DGKB: variants seen among roughly 807,000 people sequenced by gnomAD.
DGKB encodes diacylglycerol kinase beta.
A neutral mutation model predicts 114.3 loss-of-function variants in DGKB; 67 were observed. The ratio of observed to expected loss-of-function variants is 0.59; its 90% CI spans 0.48 to 0.72. The LOEUF is 0.72. DGKB is among the 30% of genes least tolerant of loss of function. The pLI is 0.00. For synonymous variants in DGKB, 398 were observed against 323.1 expected, an observed-to-expected ratio of 1.23 and a Z score of -2.49; for missense variants, 907 against 975.2, an observed-to-expected ratio of 0.93 and a Z score of 0.93.
intron 25 of DGKB, among the ~76,000 whole-genome samples, chr7:14,158,551 G>A (rs954311861): frequency 2.0e-5 from 3 of 152,248 alleles, no homozygotes; most frequent in Admixed American, 6.5e-5. Context: ...GCTATTTGGA[G>A]CATCATAGCA....
chr7:14,727,687 A>T (rs533050912), intron 5 of DGKB, among the ~76,000 whole-genome samples: 6 of 152,144 alleles, frequency 3.9e-5, no homozygotes, highest in Non-Finnish European at 7.4e-5. Flanking sequence ...ATAGTCACAC[A>T]AGCTATGTAG....
intron 4 of DGKB, among the ~76,000 whole-genome samples, chr7:14,747,199 T>C (rs1833420498): frequency 6.7e-6 from 1 of 150,366 alleles, no homozygotes; most frequent in Admixed American, 6.6e-5. Context: ...TTTTTTTTTT[T>C]TTTTTTTTCC....
chr7:14,674,856 A>G (rs1269326966), intron 12 of DGKB, among the ~76,000 whole-genome samples: 1 of 152,110 alleles, frequency 6.6e-6, no homozygotes, highest in Admixed American at 6.6e-5. Flanking sequence ...AGGGAGGATG[A>G]CCTGCTGACA....
chr7:14,764,088 CTT>C (rs1197496623), intron 2 of DGKB, among the ~76,000 whole-genome samples: 1 of 151,864 alleles, frequency 6.6e-6, no homozygotes, highest in African/African-American at 2.4e-5. Context: ...GTATAGAAGA[CTT>C]TTCCTGTGCT....
At chr7:14,577,633 T>C (rs142133621) in intron 19 of DGKB, among the ~76,000 whole-genome samples, 16 of 151,960 alleles carry the variant, frequency 1.1e-4, no homozygotes, top group African/African-American at 3.9e-4. Context: ...AAAAAGTGTG[T>C]CCAATTTACA....
chr7:14,446,650 TCTTA>T (rs1830760562), intron 21 of DGKB, among the ~76,000 whole-genome samples: 1 of 152,192 alleles, frequency 6.6e-6, no homozygotes, highest in Non-Finnish European at 1.5e-5. Context: ...TAAGTTTTCC[TCTTA>T]CTTAGCTCAA....
chr7:14,946,914 T>G (rs1255378490), intron 1 of DGKB, among the ~76,000 whole-genome samples: 1 of 151,740 alleles, frequency 6.6e-6, no homozygotes. Flanking sequence ...TTACCTGATA[T>G]AAATAATTTT....
chr7:14,545,330 G>C (rs370069131), intron 20 of DGKB, among the ~76,000 whole-genome samples: 1 of 152,110 alleles, frequency 6.6e-6, no homozygotes. Context: ...ATGAGTGTTC[G>C]ACCATGTTCC....
intron 2 of DGKB, among the ~76,000 whole-genome samples, chr7:14,840,604 C>T (rs757763048): frequency 1.2e-4 from 18 of 151,896 alleles, no homozygotes; most frequent in Admixed American, 2.0e-4. Flanking sequence ...AAGAGTTGTG[C>T]GGTCCTAACT....
intron 23 of DGKB, among the ~76,000 whole-genome samples, chr7:14,197,314 T>G (rs1355874203): frequency 6.6e-6 from 1 of 152,080 alleles, no homozygotes. Context: ...TAAAAGGGCT[T>G]CACTGTATTG....
At chr7:14,753,288 T>C (rs1400253572) in intron 4 of DGKB, among the ~76,000 whole-genome samples, 1 of 152,202 alleles carries the variant, frequency 6.6e-6, no homozygotes, top group Non-Finnish European at 1.5e-5. Flanking sequence ...ACAATTGATA[T>C]AGCTACTCTA....
intron 21 of DGKB, among the ~76,000 whole-genome samples, chr7:14,397,447 C>G (rs982669325): frequency 1.3e-5 from 2 of 152,092 alleles, no homozygotes; most frequent in Non-Finnish European, 2.9e-5. Flanking sequence ...TCAGGTTCTA[C>G]TGTGGAAAGT....
rs115136019 is a variant in DGKB, at chr7:14,423,810, C to A, written c.1835+54351G>T. ...ATGGCAATATATTGAATCTAAAACT[C>A]TTAATTGCTTTCTCATCAATCTATT... On this transcript the variant is annotated intron_variant, in intron 21 of 25. Coordinates refer to ENST00000402815, the MANE Select transcript of DGKB (RefSeq NM_001350709.2). Among the ~76,000 whole-genome samples, 845 of 152,208 alleles carry A rather than the reference C, an allele frequency of 5.6e-3. 6 individuals are homozygous for A. Among genetic ancestry groups the A allele is most frequent in the African/African-American group, 0.019 (785 of 41,556 alleles).
chr7:14,214,503 T>A (rs972322322), intron 23 of DGKB, among the ~76,000 whole-genome samples: 1 of 152,084 alleles, frequency 6.6e-6, no homozygotes, highest in African/African-American at 2.4e-5. Context: ...TATGTAAATA[T>A]TATATGGTAC....
chr7:14,220,217 A>C (rs774285957), intron 23 of DGKB, among the ~76,000 whole-genome samples: 4 of 151,626 alleles, frequency 2.6e-5, no homozygotes, highest in Admixed American at 6.6e-5. Flanking sequence ...AGGTACAGTA[A>C]AATTAAGTTA....
intron 9 of DGKB, among the ~76,000 whole-genome samples, chr7:14,690,406 G>A (rs1387254519): frequency 6.6e-6 from 1 of 152,186 alleles, no homozygotes; most frequent in Non-Finnish European, 1.5e-5. Context: ...TAGTCCTCAT[G>A]TCTTGCTGTG....
intron 13 of DGKB, among the ~76,000 whole-genome samples, chr7:14,666,108 C>A (rs1250255538): frequency 5.3e-5 from 8 of 151,870 alleles, no homozygotes; most frequent in Admixed American, 2.6e-4. Context: ...TAATTATAAG[C>A]TTCTTAAGTA....
chr7:14,504,667 T>G (rs559900668), intron 20 of DGKB, among the ~76,000 whole-genome samples: 8 of 152,250 alleles, frequency 5.3e-5, no homozygotes, highest in Non-Finnish European at 7.4e-5. Context: ...AAGTTGTCAG[T>G]ATATGAAAAC....
Position 14,316,611 on chromosome 7 carries a change from A to G in DGKB, c.2122+21904T>C, listed in dbSNP as rs1806584101. ...AGAAGTTGAATCTCTGAATAGACCA[A>G]TAACAGGATCTGAAATTGTGGCAAT... On this transcript the variant is annotated intron_variant, in intron 23 of 25. Transcript: ENST00000402815. 2.3e-5 allele frequency among the ~76,000 whole-genome samples: 3 copies of G among 128,660 alleles called. No individual in the cohort carries two copies. In the South Asian group the frequency reaches 8.8e-4, roughly 38 times the overall value. The allele number at this position is 128,660 out of a possible 152,430, so 84.4% of individuals were successfully genotyped here. A position where few individuals can be genotyped will look rare whatever the true frequency, so the allele number is the denominator to read the frequency against.
Sources: allele counts gnomAD v4.1 joint callset (sites outside exome capture counted in the v4.1 genomes callset), GRCh38; gene constraint gnomAD v4.1.1; transcripts MANE v1.5; gene names NCBI Gene and HGNC (gene_info 2026-07-23, HGNC 2026-07-21).